The following PLPPR1 variants were observed in gnomAD, a reference collection of about 807,000 sequenced individuals.
The protein encoded by PLPPR1 is phospholipid phosphatase related 1.
In PLPPR1, 10 loss-of-function variants were observed where a neutral mutation model predicts 33.1. That is an observed-to-expected ratio of 0.30 (90% CI 0.19 to 0.51). The LOEUF (loss-of-function observed/expected upper bound fraction) is 0.51. PLPPR1 is among the 20% of genes least tolerant of loss of function. The pLI is 0.97. For missense variants in PLPPR1, 304 were observed against 408.1 expected (o/e 0.74, Z 2.20); for synonymous variants, 151 against 151.0 (o/e 1.00, Z 0.00).
At chr9:101,317,578 A>G in intron 7 of PLPPR1, 82 bp downstream of exon 7, 1 of 1,340,938 alleles carries the variant, frequency 7.5e-7, no homozygotes, top group Non-Finnish European at 1.0e-6. Context: ...ATACCACTTA[A>G]TCTACCCAGC....
intron 1 of PLPPR1, among the ~76,000 whole-genome samples, chr9:101,088,163 G>T (rs1374559348): frequency 6.6e-6 from 1 of 152,124 alleles, no homozygotes; most frequent in Non-Finnish European, 1.5e-5. Flanking sequence ...TTTAGATATT[G>T]CAGGGAACAT....
chr9:101,052,432 C>T (rs192478756), intron 1 of PLPPR1, among the ~76,000 whole-genome samples: 8 of 152,268 alleles, frequency 5.3e-5, no homozygotes. Flanking sequence ...CAGGACAGCC[C>T]TCCACTCTCA....
chr9:101,153,836 G>A (rs1174207218), intron 1 of PLPPR1, among the ~76,000 whole-genome samples: 2 of 151,822 alleles, frequency 1.3e-5, no homozygotes, highest in Admixed American at 1.3e-4. Flanking sequence ...GCCCACCTCG[G>A]CCTCCCAAAG....
rs1202702956 is a variant in PLPPR1, at chr9:101,310,859, A to G, written c.636+1398A>G. Reference sequence around the variant, plus strand: ...AAAAAAGGACTTCAGCTGTCCCCACATTAAAGAAACAAGGATGCAAATAAC... The same window carrying G: ...AAAAAAGGACTTCAGCTGTCCCCACGTTAAAGAAACAAGGATGCAAATAAC... On this transcript the variant is annotated intron_variant, in intron 5 of 7. Transcript: ENST00000374874. Among the ~76,000 whole-genome samples the G allele has an allele frequency of 2.0e-5, 3 of 152,360 alleles. No homozygotes were observed. In the East Asian group the frequency reaches 5.8e-4, roughly 29 times the overall value.
chr9:101,070,382 C>T (rs940912810), intron 1 of PLPPR1, among the ~76,000 whole-genome samples: 4 of 151,988 alleles, frequency 2.6e-5, no homozygotes, highest in Non-Finnish European at 4.4e-5. Flanking sequence ...TCAGTTGGAT[C>T]CTGGGCTCCT....
intron 4 of PLPPR1, among the ~76,000 whole-genome samples, chr9:101,292,268 C>G (rs1828525291): frequency 6.6e-6 from 1 of 151,984 alleles, no homozygotes; most frequent in African/African-American, 2.4e-5. Flanking sequence ...ATGAACAAAG[C>G]CTCCAAGAAA....
chr9:101,127,797 CTT>C (rs1588039138), intron 1 of PLPPR1, among the ~76,000 whole-genome samples: 5 of 152,312 alleles, frequency 3.3e-5, no homozygotes, highest in Admixed American at 2.0e-4. Context: ...TTCCAAGACT[CTT>C]TTACATTATG....
chr9:101,117,396 C>G (rs1831129452), intron 1 of PLPPR1, among the ~76,000 whole-genome samples: 1 of 152,128 alleles, frequency 6.6e-6, no homozygotes, highest in South Asian at 2.1e-4. Flanking sequence ...TGCTAAAAGA[C>G]ATTCCCACCA....
At chr9:101,187,211 C>T (rs1826219678) in intron 2 of PLPPR1, 1 of 151,818 alleles carries the variant, frequency 6.6e-6, no homozygotes, top group Non-Finnish European at 1.5e-5. Context: ...AATAAGTCAT[C>T]CATCATCATC....
chr9:101,191,208 C>T (rs974051017), intron 2 of PLPPR1, among the ~76,000 whole-genome samples: 2 of 152,136 alleles, frequency 1.3e-5, no homozygotes, highest in Non-Finnish European at 2.9e-5. Flanking sequence ...CTGAGCCAGA[C>T]AAAAGCTAGA....
At chr9:101,069,631 G>C (rs985515082) in intron 1 of PLPPR1, among the ~76,000 whole-genome samples, 5 of 152,114 alleles carry the variant, frequency 3.3e-5, no homozygotes, top group Non-Finnish European at 7.4e-5. Context: ...TGATCTGGGT[G>C]GAGTATTGTT....
intron 2 of PLPPR1, among the ~76,000 whole-genome samples, chr9:101,266,578 C>T (rs996660872): frequency 6.6e-6 from 1 of 152,086 alleles, no homozygotes; most frequent in African/African-American, 2.4e-5. Context: ...CTTTGGGTCT[C>T]CAAGGTTCTC....
chr9:101,212,182 A>G (rs1488851460), intron 2 of PLPPR1, among the ~76,000 whole-genome samples: 1 of 152,094 alleles, frequency 6.6e-6, no homozygotes, highest in Non-Finnish European at 1.5e-5. Context: ...TCCTGGGTTC[A>G]AGTGATTCTC....
rs1485367029 is a variant in PLPPR1, at chr9:101,070,795, C to T, written c.-46+41693C>T. Among the ~76,000 whole-genome samples the T allele has an allele frequency of 4.6e-5, 7 of 152,196 alleles. No individual in the cohort carries two copies. The East Asian group carries it at 9.7e-4, about 21-fold the overall frequency. ...GTCTTTCTTTACTGCACATCCCCAC[C>T]CTAGAATGTAAATTCAACGAGCGCA... On this transcript the variant is annotated intron_variant, in intron 1 of 7. Transcript: ENST00000374874.
At chr9:101,288,038 G>T (rs1327514958) in intron 4 of PLPPR1, among the ~76,000 whole-genome samples, 1 of 152,030 alleles carries the variant, frequency 6.6e-6, no homozygotes, top group Non-Finnish European at 1.5e-5. Flanking sequence ...ATTTCCCTTG[G>T]CAAAGATAAA....
chr9:101,252,743 A>G (rs1489317283), intron 2 of PLPPR1, among the ~76,000 whole-genome samples: 1 of 152,058 alleles, frequency 6.6e-6, no homozygotes, highest in Non-Finnish European at 1.5e-5. Context: ...GGAAATTAAA[A>G]CGGTACCATA....
intron 3 of PLPPR1, among the ~76,000 whole-genome samples, chr9:101,274,095 G>A (rs1828145874): frequency 1.3e-5 from 2 of 152,164 alleles, no homozygotes; most frequent in African/African-American, 4.8e-5. Flanking sequence ...ATGTGATTTG[G>A]TCAGTGGACA....
chr9:101,078,102 G>A (rs868381130), intron 1 of PLPPR1, among the ~76,000 whole-genome samples: 33 of 24,902 alleles, frequency 1.3e-3, no homozygotes, highest in African/African-American at 5.4e-3. Flanking sequence ...GAAGGAGAAG[G>A]AGAAGAAGAA....
chr9:101,244,337 T>G (rs1827541134), intron 2 of PLPPR1, among the ~76,000 whole-genome samples: 1 of 152,048 alleles, frequency 6.6e-6, no homozygotes, highest in African/African-American at 2.4e-5. Flanking sequence ...TTGAGATATG[T>G]TCAGAAGCAG....
Sources: gnomAD v4.1 joint callset for allele counts (sites outside exome capture counted in the v4.1 genomes callset) on GRCh38, gnomAD v4.1.1 for gene constraint, MANE v1.5 for transcripts, NCBI Gene and HGNC (gene_info 2026-07-23, HGNC 2026-07-21) for gene names.